Variants in CPZ observed in about 807,000 individuals in gnomAD.
The protein encoded by CPZ is VEZT/CPZ fusion.
A neutral mutation model predicts 61.8 loss-of-function variants in CPZ; 103 were observed. The ratio of observed to expected loss-of-function variants is 1.67; its 90% CI spans 1.42 to 1.96. The LOEUF (loss-of-function observed/expected upper bound fraction) is 1.96, where lower values mean the gene tolerates loss of function less well. CPZ is among the 30% of genes most tolerant of loss of function. The pLI is 0.00. For synonymous variants in CPZ, 551 were observed against 373.7 expected, an observed-to-expected ratio of 1.47 and a Z score of -5.47; for missense variants, 1,461 against 914.9, an observed-to-expected ratio of 1.60 and a Z score of -7.70.
rs953262482 is a variant in CPZ, at chr4:8,612,148, A to G, written c.1349A>G (p.Tyr450Cys). ...AGCATCATCAACGGGGCGGACTGGTACAGCTTCACGGGAGGTGCGGCTTCC... is the reference window on the plus strand; with the variant it reads ...AGCATCATCAACGGGGCGGACTGGTGCAGCTTCACGGGAGGTGCGGCTTCC... Reference protein sequence around the residue: ...RGSIINGADWYSFTGGMSDFN... With the variant: ...RGSIINGADWCSFTGGMSDFN... Residue 450 changes from tyrosine to cysteine, a missense_variant, in exon 8 of 11, where the codon TAC (tyrosine) becomes TGC (cysteine). Coordinates refer to ENST00000360986, the MANE Select transcript of CPZ (RefSeq NM_001014447.3). 3 of 1,445,328 alleles carry G rather than the reference A, an allele frequency of 2.1e-6. No individual in the cohort carries two copies. The highest frequency in any genetic ancestry group is 2.0e-5 in the Admixed American group (1 of 50,198). The allele number at this position is 1,445,328 out of a possible 1,614,324, so 89.5% of individuals were successfully genotyped here.
chr4:8,606,121 A>T lies in CPZ; in HGVS notation c.842A>T (p.Asn281Ile). The T allele has an allele frequency of 6.2e-7, 1 of 1,614,134 alleles. No homozygotes were observed. Among genetic ancestry groups the T allele is most frequent in the Non-Finnish European group, 8.5e-7 (1 of 1,180,016 alleles). Residue 281 changes from asparagine (N) to isoleucine (I), a missense_variant, in exon 5 of 11, where the codon AAC (asparagine) becomes ATC (isoleucine). By Grantham distance (149) the Asn-to-Ile change is moderately radical. Transcript: ENST00000360986. The stretch of plus-strand genomic sequence containing the variant: ...AACCCCCGCATCCAGCGCCTGCTCA[A>T]CACCACCCGCATCCACCTGCTGCCC... ...LGNPRIQRLL[N>I]TTRIHLLPSM... is the part of the protein sequence containing the mutation.
chr4:8,600,849 C>A, intron 2 of CPZ: 4 of 1,033,646 alleles, frequency 3.9e-6, no homozygotes, highest in Non-Finnish European at 4.9e-6. Flanking sequence ...TGTGGCACAG[C>A]TGCTTTGCAG....
chr4:8,606,939 T>C, intron 6 of CPZ, 41 bp downstream of exon 6: 2 of 1,547,280 alleles, frequency 1.3e-6, no homozygotes, highest in Middle Eastern at 1.7e-4. Context: ...CACCAAGGCA[T>C]CCAGGGGTCC....
Position 8,619,601 on chromosome 4 carries a change from G to T in CPZ, c.1943G>T (p.Trp648Leu), listed in dbSNP as rs200993349. The change falls in exon 11 of 11, where the codon TGG becomes TTG. Residue 648 changes from tryptophan to leucine, a missense_variant. Physicochemically the swap from Trp to Leu is moderately conservative, Grantham distance 61. Coordinates refer to ENST00000360986, the MANE Select transcript of CPZ (RefSeq NM_001014447.3). ...FTSLSTHRPRWLLKY is the reference protein window; with the variant it reads ...FTSLSTHRPRLLLKY Reference sequence around the variant, plus strand: ...TCGCTGAGCACCCACAGGCCACGCTGGCTGCTCAAGTACTAGCCCCGGCCC... The same window carrying T: ...TCGCTGAGCACCCACAGGCCACGCTTGCTGCTCAAGTACTAGCCCCGGCCC... The T allele has an allele frequency of 6.6e-7, 1 of 1,506,530 alleles. No individual in the cohort carries two copies. Among genetic ancestry groups the T allele is most frequent in the South Asian group, 1.4e-5 (1 of 73,786 alleles). 93.3% of individuals were successfully genotyped at this position (1,506,530 alleles called of 1,614,324 possible). A position where few individuals can be genotyped will look rare whatever the true frequency, so the allele number is the denominator to read the frequency against.
intron 7 of CPZ, among the ~76,000 whole-genome samples, chr4:8,610,207 C>T (rs544867823): frequency 1.2e-4 from 18 of 152,338 alleles, no homozygotes; most frequent in South Asian, 6.2e-4. Context: ...TCCCTGCTCC[C>T]GCCTGGTTTC....
chr4:8,601,483 TGGA>T lies in CPZ; in HGVS notation c.484_486del (p.Glu162del). The stretch of plus-strand genomic sequence containing the variant: ...GAGGACGAGGGCTGCTATGACCCGC[TGGA>T]GAAGCTTCGGGGTAAGGGAAAGTGG... On this transcript the variant is annotated inframe_deletion, in exon 3 of 11. Coordinates refer to ENST00000360986, the MANE Select transcript of CPZ (RefSeq NM_001014447.3). 6.7e-7 allele frequency: 1 copy of T among 1,485,614 alleles called. No individual in the cohort carries two copies. Among genetic ancestry groups the T allele is most frequent in the Non-Finnish European group, 9.0e-7 (1 of 1,116,186 alleles). 92.0% of individuals were successfully genotyped at this position (1,485,614 alleles called of 1,614,324 possible). A position where few individuals can be genotyped will look rare whatever the true frequency, so the allele number is the denominator to read the frequency against.
At chr4:8,605,252 G>A (rs1714851200) in intron 4 of CPZ, among the ~76,000 whole-genome samples, 2 of 151,592 alleles carry the variant, frequency 1.3e-5, no homozygotes, top group Non-Finnish European at 2.9e-5. Flanking sequence ...GGAGTGACTT[G>A]CCTGCAGTCA....
chr4:8,612,381 G>T (rs1156821325), intron 8 of CPZ, among the ~76,000 whole-genome samples: 3 of 152,232 alleles, frequency 2.0e-5, no homozygotes. Flanking sequence ...CCAGGCCCGT[G>T]GCTCCTGTAG....
intron 7 of CPZ, among the ~76,000 whole-genome samples, chr4:8,608,549 C>G (rs890432128): frequency 2.0e-5 from 3 of 152,120 alleles, no homozygotes; most frequent in African/African-American, 7.2e-5. Flanking sequence ...GGGACTGGTC[C>G]CTGCGCTGGG....
chr4:8,597,331 T>C (rs974395678), intron 1 of CPZ: 8 of 152,190 alleles, frequency 5.3e-5, no homozygotes, highest in Non-Finnish European at 7.3e-5. Flanking sequence ...GAGGGCACAG[T>C]ATTTCAAGCA....
rs774461838 is a variant in CPZ, at chr4:8,606,065, C to A, written c.786C>A (p.Ala262=). 2.5e-6 allele frequency: 4 copies of A among 1,614,062 alleles called. No individual in the cohort carries two copies. The African/African-American group carries it at 5.3e-5, about 22-fold the overall frequency. The part of the protein sequence containing the change: ...VAGREMLIYL[A]QYLCSEYLLG... ...GCCGGGAGATGCTCATCTACCTAGC[C>A]CAGTACCTGTGCTCTGAGTACCTGC... The change falls in exon 5 of 11, where the codon GCC becomes GCA. Residue 262 remains alanine, a synonymous_variant. Transcript: ENST00000360986.
intron 1 of CPZ, among the ~76,000 whole-genome samples, chr4:8,594,405 T>C (rs1227056478): frequency 1.3e-5 from 2 of 152,202 alleles, no homozygotes; most frequent in African/African-American, 4.8e-5. Context: ...AGATTCCCTG[T>C]CCTCACTGGA....
chr4:8,594,306 CG>C (rs1215180087), intron 1 of CPZ, among the ~76,000 whole-genome samples: 3 of 152,202 alleles, frequency 2.0e-5, no homozygotes, highest in Admixed American at 2.0e-4. Flanking sequence ...TCCCCCACCC[CG>C]GGCTGCCATG....
intron 4 of CPZ, among the ~76,000 whole-genome samples, chr4:8,605,086 T>C (rs569779449): frequency 6.6e-6 from 1 of 152,202 alleles, no homozygotes; most frequent in Admixed American, 6.5e-5. Context: ...CCAAGGGAGG[T>C]AACCAGCGCA....
intron 7 of CPZ, among the ~76,000 whole-genome samples, chr4:8,609,967 C>G (rs961008784): frequency 3.9e-5 from 6 of 152,306 alleles, no homozygotes; most frequent in Middle Eastern, 3.4e-3. Context: ...GGACAGTGTT[C>G]AAGGCCCTGC....
At chr4:8,617,719 T>C (rs189095989) in intron 9 of CPZ, among the ~76,000 whole-genome samples, 13 of 152,292 alleles carry the variant, frequency 8.5e-5, no homozygotes, top group African/African-American at 2.9e-4. Flanking sequence ...ACAGGCATCC[T>C]GGTCCTGCTC....
intron 1 of CPZ, 107 bp from the exon 2 acceptor site, chr4:8,599,346 G>C: frequency 7.6e-7 from 1 of 1,309,944 alleles, no homozygotes; most frequent in Non-Finnish European, 1.0e-6. Flanking sequence ...CTGGCGGAGG[G>C]TGGCCTGGGC....
intron 9 of CPZ, among the ~76,000 whole-genome samples, chr4:8,614,833 G>C (rs947586509): frequency 6.6e-6 from 1 of 152,138 alleles, no homozygotes; most frequent in Non-Finnish European, 1.5e-5. Flanking sequence ...GGCTGGGGGG[G>C]CTTCCTGGAG....
intron 2 of CPZ, among the ~76,000 whole-genome samples, chr4:8,600,663 C>T (rs1158604353): frequency 6.6e-6 from 1 of 152,226 alleles, no homozygotes; most frequent in Non-Finnish European, 1.5e-5. Context: ...CTGTCATTAT[C>T]CACTTCTCAT....
Sources: allele counts gnomAD v4.1 joint callset (sites outside exome capture counted in the v4.1 genomes callset), GRCh38; gene constraint gnomAD v4.1.1; transcripts MANE v1.5; gene names NCBI Gene and HGNC (gene_info 2026-07-23, HGNC 2026-07-21).